Variants in PCDHAC2 observed in about 807,000 individuals in gnomAD.
PCDHAC2 encodes protocadherin alpha-C2.
In PCDHAC2, 24 loss-of-function variants were observed where a neutral mutation model predicts 63.3. The observed-to-expected ratio is 0.38, with a 90% CI of 0.27 to 0.53. The LOEUF (loss-of-function observed/expected upper bound fraction) is 0.53, where lower values mean the gene tolerates loss of function less well. Ranked by LOEUF, PCDHAC2 falls within the 20% of genes least tolerant of loss-of-function variation. The pLI is 0.81. For missense variants in PCDHAC2, 1,181 were observed against 1,275.2 expected (o/e 0.93, Z 1.12); for synonymous variants, 569 against 529.4 (o/e 1.07, Z -1.03).
At chr5:140,994,848 T>C (rs1453646097) in intron 3 of PCDHAC2, among the ~76,000 whole-genome samples, 2 of 151,686 alleles carry the variant, frequency 1.3e-5, no homozygotes, top group East Asian at 3.9e-4. Flanking sequence ...ATAAGATGAG[T>C]GCATTTGATG....
rs2096116008 is a variant in PCDHAC2, at chr5:140,967,224, A to G, written c.458A>G (p.Tyr153Cys). The G allele has an allele frequency of 6.2e-7, 1 of 1,613,708 alleles. No homozygotes were observed. The highest frequency in any genetic ancestry group is 8.5e-7 in the Non-Finnish European group (1 of 1,179,926). The change falls in exon 1 of 4, where the codon TAC (tyrosine) becomes TGC (cysteine). Residue 153 changes from tyrosine (Y) to cysteine (C), a missense_variant. Tyr to Cys is a radical substitution (Grantham distance 194). This residue lies in a region of PCDHAC2 where 968 missense variants were observed against 1,073.5 expected (regional missense o/e 0.90). Coordinates refer to ENST00000289269, the MANE Select transcript of PCDHAC2 (RefSeq NM_018899.6). ...DNSPRFPRPN[Y>C]QLQVSESVAP... ...TCACCGCGTTTCCCGCGGCCCAACT[A>G]CCAGCTTCAGGTAAGCGAATCGGTG...
intron 3 of PCDHAC2, among the ~76,000 whole-genome samples, chr5:140,991,686 A>G (rs2097465682): frequency 6.6e-6 from 1 of 152,196 alleles, no homozygotes; most frequent in Non-Finnish European, 1.5e-5. Context: ...AGTCCTCTCT[A>G]GTAGAGCCAT....
chr5:140,984,712 G>A (rs2097116348), intron 3 of PCDHAC2, among the ~76,000 whole-genome samples: 1 of 152,096 alleles, frequency 6.6e-6, no homozygotes, highest in Non-Finnish European at 1.5e-5. Context: ...AGGGAATATG[G>A]CATAAAGATT....
In PCDHAC2 at chr5:141,010,336, G is replaced by A. The variant is rs1297379181; in HGVS notation, c.*399G>A. ...AGATTGAGCAGCTTGGGAGTTTGTG[G>A]CCACTGGGTATGTGTGGCTACCGCG... On this transcript the variant is annotated 3_prime_UTR_variant, in exon 4 of 4. Coordinates refer to ENST00000289269, the MANE Select transcript of PCDHAC2 (RefSeq NM_018899.6). 25 of 1,535,806 alleles carry A rather than the reference G, an allele frequency of 1.6e-5. No individual in the cohort carries two copies. The highest frequency in any genetic ancestry group is 2.2e-5 in the Non-Finnish European group (25 of 1,141,450).
intron 3 of PCDHAC2, among the ~76,000 whole-genome samples, chr5:141,003,593 G>A (rs1291518572): frequency 6.6e-6 from 1 of 152,140 alleles, no homozygotes; most frequent in African/African-American, 2.4e-5. Flanking sequence ...GATTTTAGAT[G>A]TGAGCCACCA....
chr5:140,987,563 T>C (rs2097259374), intron 3 of PCDHAC2, among the ~76,000 whole-genome samples: 1 of 152,226 alleles, frequency 6.6e-6, no homozygotes, highest in Non-Finnish European at 1.5e-5. Context: ...ATTCTCAGTT[T>C]CTTTCTCTAT....
chr5:140,982,286 A>C, intron 2 of PCDHAC2, 189 bp from the exon 3 acceptor site: 1 of 1,075,236 alleles, frequency 9.3e-7, no homozygotes, highest in Non-Finnish European at 1.3e-6. Flanking sequence ...GCAGGCAATA[A>C]GTAAGTCAGC....
rs782750678 is a variant in PCDHAC2, at chr5:140,967,548, C to T, written c.782C>T (p.Thr261Ile). Residue 261 changes from threonine to isoleucine, a missense_variant, in exon 1 of 4, where the codon ACT becomes ATT. Around this residue, in one of 3 missense-constraint regions of PCDHAC2, gnomAD observed 968 missense variants for 1,073.5 expected, o/e 0.90. Coordinates refer to ENST00000289269, the MANE Select transcript of PCDHAC2 (RefSeq NM_018899.6). Reference sequence around the variant, plus strand: ...AACTCTCCTGCCTTTGACCAGTCCACTTATCGCGTCCAGCTACGGGAGGAC... The same window carrying T: ...AACTCTCCTGCCTTTGACCAGTCCATTTATCGCGTCCAGCTACGGGAGGAC... ...NDNSPAFDQS[T>I]YRVQLREDSP... The T allele has an allele frequency of 9.3e-6, 15 of 1,613,922 alleles. No individual in the cohort carries two copies. Among genetic ancestry groups the T allele is most frequent in the Non-Finnish European group, 1.3e-5 (15 of 1,179,982 alleles).
At chr5:140,976,060 T>G (rs1554237234) in intron 1 of PCDHAC2, among the ~76,000 whole-genome samples, 3 of 152,228 alleles carry the variant, frequency 2.0e-5, no homozygotes. Flanking sequence ...GATAGTAATA[T>G]ATGTCTTACT....
chr5:141,003,273 G>A (rs782391603), intron 3 of PCDHAC2, among the ~76,000 whole-genome samples: 5 of 152,214 alleles, frequency 3.3e-5, no homozygotes, highest in Admixed American at 6.5e-5. Context: ...TAAGGGAAGT[G>A]CCCAAATTGG....
chr5:140,980,427 C>T (rs551274468), intron 2 of PCDHAC2, among the ~76,000 whole-genome samples: 2 of 152,198 alleles, frequency 1.3e-5, no homozygotes, highest in South Asian at 2.1e-4. Flanking sequence ...GTCAAGAGAT[C>T]GAGACCATCC....
chr5:141,008,838 G>A (rs555239899), intron 3 of PCDHAC2, among the ~76,000 whole-genome samples: 2 of 152,192 alleles, frequency 1.3e-5, no homozygotes, highest in South Asian at 2.1e-4. Context: ...ATCCTCTTAC[G>A]CTGTGTATTC....
In PCDHAC2 at chr5:141,003,240, CAA is replaced by C. The variant is rs1287973511; in HGVS notation, c.2714-6383_2714-6382del. ...GAAAGAGGAAAGCTGGAAATTTTGC[CAA>C]AAAGATTCCTGGGCAGTGCCTAAGG... On this transcript the variant is annotated intron_variant, in intron 3 of 3. Transcript: ENST00000289269. Among the ~76,000 whole-genome samples the C allele has an allele frequency of 2.6e-5, 4 of 152,150 alleles. No individual in the cohort carries two copies. In the East Asian group the frequency reaches 7.7e-4, roughly 29 times the overall value.
chr5:140,981,465 T>C (rs1226815704), intron 2 of PCDHAC2, among the ~76,000 whole-genome samples: 2 of 152,116 alleles, frequency 1.3e-5, no homozygotes, highest in Non-Finnish European at 1.5e-5. Context: ...TCCCAGCTAC[T>C]TGGGAGGCTG....
intron 2 of PCDHAC2, 73 bp downstream of exon 2, chr5:140,979,080 A>T: frequency 1.3e-6 from 2 of 1,572,720 alleles, no homozygotes; most frequent in Non-Finnish European, 1.7e-6. Context: ...GCATCTCCAT[A>T]GGCCAGAAGC....
chr5:141,000,395 C>CTCTCTATA (rs1213762225), intron 3 of PCDHAC2, among the ~76,000 whole-genome samples: 1 of 53,986 alleles, frequency 1.9e-5, no homozygotes, highest in Non-Finnish European at 3.2e-5. Flanking sequence ...CTCTCTCTCT[C>CTCTCTATA]TATATATATA....
At chr5:140,994,222 C>T (rs2097605581) in intron 3 of PCDHAC2, among the ~76,000 whole-genome samples, 1 of 152,168 alleles carries the variant, frequency 6.6e-6, no homozygotes, top group Admixed American at 6.5e-5. Context: ...CAGGGTCTGT[C>T]TATGTTATAA....
rs142720081 is a variant in PCDHAC2, at chr5:141,009,771, T to G, written c.2858T>G (p.Ile953Ser). 1 of 1,614,082 alleles carries G rather than the reference T, an allele frequency of 6.2e-7. No individual in the cohort carries two copies. The change falls in exon 4 of 4, where the codon ATC becomes AGC. Residue 953 changes from isoleucine to serine, a missense_variant. Physicochemically the swap from Ile to Ser is moderately radical, Grantham distance 142. Transcript: ENST00000289269. ...DKFIIPGSPA[I>S]ISIRQEPTNS... ...TTCATTATCCCAGGATCTCCTGCAA[T>G]CATCTCCATCCGGCAGGAGCCTACT...
At chr5:140,989,410 C>T (rs568177388) in intron 3 of PCDHAC2, among the ~76,000 whole-genome samples, 1 of 152,230 alleles carries the variant, frequency 6.6e-6, no homozygotes, top group South Asian at 2.1e-4. Context: ...GGAGAGTCTG[C>T]ACTTCACTCT....
Sources: gnomAD v4.1 joint callset for allele counts (sites outside exome capture counted in the v4.1 genomes callset) on GRCh38, gnomAD v4.1.1 for gene constraint, gnomAD v4.1.1 regional missense constraint, MANE v1.5 for transcripts, NCBI Gene and HGNC (gene_info 2026-07-23, HGNC 2026-07-21) for gene names.